Variants in ANK1 observed in about 807,000 individuals in gnomAD.
ANK1 encodes the protein ankyrin-1.
A neutral mutation model predicts 210.4 loss-of-function variants in ANK1; 51 were observed. The observed-to-expected ratio is 0.24, with a 90% CI of 0.19 to 0.31. The LOEUF is 0.31. ANK1 is among the 10% of genes least tolerant of loss of function. The pLI is 1.00. For missense variants in ANK1, 2,051 were observed against 2,504.4 expected, an observed-to-expected ratio of 0.82 and a Z score of 3.86; for synonymous variants, 967 against 1,025.9, an observed-to-expected ratio of 0.94 and a Z score of 1.10.
chr8:41,708,319 T>C (rs955955415), intron 17 of ANK1, among the ~76,000 whole-genome samples: 1 of 152,188 alleles, frequency 6.6e-6, no homozygotes, highest in African/African-American at 2.4e-5. Context: ...GTGCGCAATT[T>C]TAGAAGGCTT....
Position 41,692,862 on chromosome 8 carries a change from T to G in ANK1, c.3644A>C (p.Asp1215Ala). 6.2e-7 allele frequency: 1 copy of G among 1,613,864 alleles called. No individual in the cohort carries two copies. The highest frequency in any genetic ancestry group is 1.1e-5 in the South Asian group (1 of 91,070). Residue 1215 changes from aspartate (D) to alanine (A), a missense_variant, in exon 31 of 43, where the codon GAC becomes GCC. Asp to Ala is a moderately radical substitution (Grantham distance 126). Around this residue, in one of 6 missense-constraint regions of ANK1, gnomAD observed 1,413 missense variants for 1,707.4 expected, o/e 0.83. Transcript: ENST00000289734. ...TNVSARFWLSDCPRTAEAVNF... is the reference protein window; with the variant it reads ...TNVSARFWLSACPRTAEAVNF... ...CACAGCCTCAGCAGTCCGAGGACAG[T>G]CCGACAGCCAAAACCTAAAAAGTAG...
chr8:41,689,588 C>G (rs775910400), intron 33 of ANK1, among the ~76,000 whole-genome samples: 1 of 152,178 alleles, frequency 6.6e-6, no homozygotes, highest in Admixed American at 6.5e-5. Flanking sequence ...ACAACAGCAA[C>G]GAAAACCACA....
chr8:41,678,234 G>A (rs1814845606), intron 37 of ANK1, among the ~76,000 whole-genome samples: 1 of 152,026 alleles, frequency 6.6e-6, no homozygotes, highest in South Asian at 2.1e-4. Flanking sequence ...CACCTCCTGG[G>A]TTCAAGCGAT....
rs147901593 is a variant in ANK1, at chr8:41,690,512, G to C, written c.3946C>G (p.Gln1316Glu). 7.4e-6 allele frequency: 12 copies of C among 1,614,196 alleles called. No individual in the cohort carries two copies. The highest frequency in any genetic ancestry group is 1.7e-5 in the Admixed American group (1 of 60,030). ...KAAQQRSFHF[Q>E]SFRENRLAMP... The stretch of plus-strand genomic sequence containing the variant: ...GCCAGACGGTTCTCCCGAAATGACT[G>C]GAAGTGGAAGCTCCGCTGCTGGGCA... Residue 1316 changes from glutamine to glutamate, a missense_variant, in exon 32 of 43, where the codon CAG (glutamine) becomes GAG (glutamate). This residue lies in a region of ANK1 where 1,413 missense variants were observed against 1,707.4 expected (regional missense o/e 0.83). Coordinates refer to ENST00000289734, the MANE Select transcript of ANK1 (RefSeq NM_000037.4).
At chr8:41,675,693 A>G (rs569384036) in intron 37 of ANK1, among the ~76,000 whole-genome samples, 15 of 152,314 alleles carry the variant, frequency 9.8e-5, no homozygotes, top group Middle Eastern at 3.4e-3. Flanking sequence ...TTCAAAGAAG[A>G]AAAAGGACAT....
intron 1 of ANK1, among the ~76,000 whole-genome samples, chr8:41,768,633 C>T (rs1842361180): frequency 6.6e-6 from 1 of 152,096 alleles, no homozygotes; most frequent in Non-Finnish European, 1.5e-5. Context: ...ACTGGCCGCA[C>T]CAGCAAGATT....
intron 6 of ANK1, among the ~76,000 whole-genome samples, chr8:41,725,062 ATGTTG>A (rs1303927640): frequency 2.0e-5 from 3 of 152,146 alleles, no homozygotes; most frequent in African/African-American, 7.2e-5. Flanking sequence ...GGGTCTCACT[ATGTTG>A]TCCAGGCTGG....
intron 1 of ANK1, among the ~76,000 whole-genome samples, chr8:41,890,580 G>A (rs548815165): frequency 4.2e-4 from 64 of 152,070 alleles, no homozygotes; most frequent in African/African-American, 1.4e-3. Context: ...ATGGTGACAC[G>A]CGCCTGTAGT....
intron 39 of ANK1, chr8:41,664,078 T>G (rs1334382491): frequency 1.6e-5 from 8 of 489,720 alleles, no homozygotes; most frequent in Non-Finnish European, 2.8e-5. Context: ...CTGTTTCCTA[T>G]TTTTACAGCA....
chr8:41,888,408 G>C (rs750076235), intron 1 of ANK1, among the ~76,000 whole-genome samples: 1 of 152,238 alleles, frequency 6.6e-6, no homozygotes, highest in Non-Finnish European at 1.5e-5. Context: ...CTTCTTAGGG[G>C]CAGGCGACAG....
At chr8:41,668,211 G>A (rs553281260) in intron 39 of ANK1, 56 bp downstream of exon 39, 111 of 1,610,584 alleles carry the variant, frequency 6.9e-5, no homozygotes, top group East Asian at 6.7e-4. Flanking sequence ...CTGGAGTCCC[G>A]GCCCCTTCCG....
chr8:41,809,192 A>C (rs1016665257), intron 1 of ANK1, among the ~76,000 whole-genome samples: 12 of 152,256 alleles, frequency 7.9e-5, no homozygotes, highest in African/African-American at 2.6e-4. Context: ...CATGTTACTG[A>C]GTTAAGGGCA....
chr8:41,744,815 G>A (rs964126587), intron 2 of ANK1, among the ~76,000 whole-genome samples: 1 of 152,164 alleles, frequency 6.6e-6, no homozygotes, highest in Non-Finnish European at 1.5e-5. Flanking sequence ...GATTACAGGC[G>A]TGAGCCTCCG....
At chr8:41,808,353 G>A in intron 1 of ANK1, among the ~76,000 whole-genome samples, 1 of 152,160 alleles carries the variant, frequency 6.6e-6, no homozygotes, top group Non-Finnish European at 1.5e-5. Flanking sequence ...TTAGGCCATG[G>A]AACCTGGGAC....
In ANK1 at chr8:41,734,739, A is replaced by T. The variant is rs145419625; in HGVS notation, c.130-670T>A. 2.2e-3 allele frequency among the ~76,000 whole-genome samples: 332 copies of T among 151,996 alleles called. 1 individual carries two copies. The highest frequency in any genetic ancestry group is 7.7e-3 in the African/African-American group (320 of 41,434). On this transcript the variant is annotated intron_variant, in intron 2 of 42. Transcript: ENST00000289734. ...AAACCCTAGCTCTACAAAAGAAAAA[A>T]AAAAGCCCACAGAAGTAGACAGGTG...
intron 1 of ANK1, among the ~76,000 whole-genome samples, chr8:41,863,085 G>A (rs142009812): frequency 0.012 from 1,771 of 152,210 alleles, 39 homozygotes; most frequent in African/African-American, 0.04. Flanking sequence ...ATAGCCGGGC[G>A]CGGTGGCTCA....
At chr8:41,857,363 C>T (rs554169202) in intron 1 of ANK1, among the ~76,000 whole-genome samples, 3 of 151,384 alleles carry the variant, frequency 2.0e-5, no homozygotes, top group Admixed American at 6.6e-5. Flanking sequence ...TTTGGGAGGC[C>T]GAGGCAGGTG....
At chr8:41,688,688 C>T (rs1818378933) in intron 33 of ANK1, 99 bp from the exon 34 acceptor site, 1 of 1,033,172 alleles carries the variant, frequency 9.7e-7, no homozygotes, top group Admixed American at 1.9e-5. Flanking sequence ...GAAGGCTGAC[C>T]CCAGTCCTGG....
intron 15 of ANK1, 65 bp from the exon 16 acceptor site, chr8:41,714,319 T>C: frequency 7.8e-7 from 1 of 1,278,636 alleles, no homozygotes; most frequent in Non-Finnish European, 1.1e-6. Context: ...AGGACTCCCT[T>C]TAGGCATGGG....
Sources: allele counts gnomAD v4.1 joint callset (sites outside exome capture counted in the v4.1 genomes callset), GRCh38; gene constraint gnomAD v4.1.1; regional missense constraint gnomAD v4.1.1; transcripts MANE v1.5; gene names NCBI Gene and HGNC (gene_info 2026-07-23, HGNC 2026-07-21).